ATAD1: variants seen among roughly 807,000 people sequenced by gnomAD.
ATAD1 encodes ATPase family AAA domain containing 1, also known as outer mitochondrial transmembrane helix translocase.
A neutral mutation model predicts 42.7 loss-of-function variants in ATAD1; 18 were observed. That is an observed-to-expected ratio of 0.42 (90% confidence interval 0.29 to 0.63). The LOEUF (loss-of-function observed/expected upper bound fraction) is 0.63, where lower values mean the gene tolerates loss of function less well. Among genes scored for constraint, ATAD1 ranks in the 20% least tolerant of loss-of-function variants. ATAD1 has a pLI of 0.19. For synonymous variants in ATAD1, 132 were observed against 143.1 expected, an observed-to-expected ratio of 0.92 and a Z score of 0.55; for missense variants, 294 against 440.4, an observed-to-expected ratio of 0.67 and a Z score of 2.98.
chr10:87,792,776 A>C (rs1856190420), intron 2 of ATAD1, 21 bp from the exon 3 acceptor site: 3 of 1,570,592 alleles, frequency 1.9e-6, no homozygotes, highest in African/African-American at 1.4e-5. Context: ...AAGAACAAAC[A>C]ACCTGCTTTG....
chr10:87,767,673 A>G lies in ATAD1; in HGVS notation c.831T>C (p.Asn277=), dbSNP rs773070369. ...AILKLILKNE[N]VDRHVDLLEV... is the part of the protein sequence containing the mutation. Reference sequence around the variant, plus strand: ...GAAAAAATTTTTATTTTCTACTTACATTTTCATTTTTCAAGATGAGTTTCA... The same window carrying G: ...GAAAAAATTTTTATTTTCTACTTACGTTTTCATTTTTCAAGATGAGTTTCA... Residue 277 remains asparagine, a splice_region_variant and synonymous_variant, in exon 8 of 10, where the codon AAT becomes AAC. Coordinates refer to ENST00000680024, the MANE Select transcript of ATAD1 (RefSeq NM_001321967.2). The G allele has an allele frequency of 2.0e-5, 32 of 1,609,840 alleles. 1 individual carries two copies. The South Asian group carries it at 3.6e-4, about 18-fold the overall frequency.
At chr10:87,805,170 C>G (rs1218531291) in intron 2 of ATAD1, among the ~76,000 whole-genome samples, 2 of 152,172 alleles carry the variant, frequency 1.3e-5, no homozygotes, top group East Asian at 1.9e-4. Flanking sequence ...CTCTTTCATT[C>G]TGACCACAAA....
At chr10:87,798,339 G>C (rs756950983) in intron 2 of ATAD1, among the ~76,000 whole-genome samples, 1 of 152,158 alleles carries the variant, frequency 6.6e-6, no homozygotes, top group Non-Finnish European at 1.5e-5. Context: ...CACTCCGTAG[G>C]TTTTATGGCA....
chr10:87,838,333 C>T (rs1857965102), intron 1 of ATAD1, among the ~76,000 whole-genome samples: 1 of 151,990 alleles, frequency 6.6e-6, no homozygotes, highest in Non-Finnish European at 1.5e-5. Flanking sequence ...TCAAGACCAG[C>T]CTGGCCAACA....
At chr10:87,841,179 T>C (rs1013092472) in intron 1 of ATAD1, 3 of 152,218 alleles carry the variant, frequency 2.0e-5, no homozygotes, top group Non-Finnish European at 4.4e-5. Flanking sequence ...TTCTAAGTGT[T>C]AATGTACCTT....
At chr10:87,763,732 G>A (rs1374153780) in intron 8 of ATAD1, among the ~76,000 whole-genome samples, 1 of 149,946 alleles carries the variant, frequency 6.7e-6, no homozygotes, top group South Asian at 2.1e-4. Flanking sequence ...TTTTTTTTTT[G>A]TAAGTTACAT....
At chr10:87,773,831 T>C (rs1190202396) in intron 6 of ATAD1, among the ~76,000 whole-genome samples, 1 of 152,202 alleles carries the variant, frequency 6.6e-6, no homozygotes, top group Non-Finnish European at 1.5e-5. Flanking sequence ...ATATTTTCTC[T>C]TACATGGGCT....
chr10:87,836,782 TTTC>T (rs901911217), intron 1 of ATAD1, among the ~76,000 whole-genome samples: 1 of 152,186 alleles, frequency 6.6e-6, no homozygotes, highest in Non-Finnish European at 1.5e-5. Context: ...TATTCTTTCC[TTTC>T]TTCTTCTGGA....
intron 3 of ATAD1, among the ~76,000 whole-genome samples, chr10:87,790,911 G>A (rs1221886992): frequency 3.3e-5 from 5 of 151,674 alleles, no homozygotes; most frequent in Admixed American, 6.6e-5. Context: ...TGGACCAGGC[G>A]TGGTCGCTCA....
upstream of ATAD1, chr10:87,818,354 C>G (rs1857534551): frequency 2.8e-6 from 2 of 709,336 alleles, no homozygotes; most frequent in South Asian, 1.3e-4. Flanking sequence ...AGAGCAAATT[C>G]GCGCACCTGA....
intron 1 of ATAD1, among the ~76,000 whole-genome samples, chr10:87,829,249 A>C (rs1353784292): frequency 6.7e-6 from 1 of 149,858 alleles, no homozygotes; most frequent in Non-Finnish European, 1.5e-5. Context: ...TTATTTATTT[A>C]TTTATTTATT....
chr10:87,793,114 T>C (rs944932038), intron 2 of ATAD1, among the ~76,000 whole-genome samples: 12 of 152,172 alleles, frequency 7.9e-5, no homozygotes, highest in African/African-American at 2.9e-4. Flanking sequence ...AGGTGAAATC[T>C]CAAGAGGAAA....
intron 4 of ATAD1, among the ~76,000 whole-genome samples, chr10:87,788,071 C>A (rs757798260): frequency 1.3e-5 from 2 of 152,032 alleles, no homozygotes; most frequent in African/African-American, 4.8e-5. Flanking sequence ...TAAATATAAC[C>A]GTCAATATCT....
At chr10:87,799,041 A>G (rs1274024483) in intron 2 of ATAD1, among the ~76,000 whole-genome samples, 1 of 152,210 alleles carries the variant, frequency 6.6e-6, no homozygotes, top group Admixed American at 6.5e-5. Context: ...TTGGAATCAA[A>G]TACTTCATCA....
intron 7 of ATAD1, 110 bp from the exon 8 acceptor site, chr10:87,767,833 A>T: frequency 9.8e-7 from 1 of 1,016,022 alleles, no homozygotes; most frequent in East Asian, 2.6e-5. Context: ...AATACTTATA[A>T]GGAGATGACA....
intron 1 of ATAD1, among the ~76,000 whole-genome samples, chr10:87,840,252 G>A (rs1858007112): frequency 6.6e-6 from 1 of 152,192 alleles, no homozygotes; most frequent in Non-Finnish European, 1.5e-5. Context: ...GTGATGACAA[G>A]GCGGGAAGAT....
intron 2 of ATAD1, among the ~76,000 whole-genome samples, chr10:87,806,644 T>A (rs771374444): frequency 6.6e-6 from 1 of 152,208 alleles, no homozygotes; most frequent in Non-Finnish European, 1.5e-5. Context: ...TTGTTGAGCA[T>A]CTGTATTTCA....
At chr10:87,776,645 T>A (rs1055170658) in intron 5 of ATAD1, among the ~76,000 whole-genome samples, 14 of 151,904 alleles carry the variant, frequency 9.2e-5, no homozygotes, top group South Asian at 2.1e-4. Context: ...ATTTTTTTTT[T>A]ATTTTCTGTA....
rs143010176 is a variant in ATAD1, at chr10:87,797,671, T to G, written c.163-4916A>C. Among the ~76,000 whole-genome samples, 531 of 152,308 alleles carry G rather than the reference T, an allele frequency of 3.5e-3. 2 individuals carry two copies. The highest frequency in any genetic ancestry group is 8.5e-3 in the Admixed American group (130 of 15,300). ...AGATTATCTTGTACCACGAGAGGATTTGACCTTGGTGTGTGTAATGGTGAA... is the reference window on the plus strand; with the variant it reads ...AGATTATCTTGTACCACGAGAGGATGTGACCTTGGTGTGTGTAATGGTGAA... On this transcript the variant is annotated intron_variant, in intron 2 of 9. Coordinates refer to ENST00000680024, the MANE Select transcript of ATAD1 (RefSeq NM_001321967.2).
Sources: allele counts gnomAD v4.1 joint callset (sites outside exome capture counted in the v4.1 genomes callset), GRCh38; gene constraint gnomAD v4.1.1; transcripts MANE v1.5; gene names NCBI Gene and HGNC (gene_info 2026-07-23, HGNC 2026-07-21).